The following ARID1B variants were observed in gnomAD, a reference collection of about 807,000 sequenced individuals.
ARID1B encodes AT-rich interactive domain-containing protein 1B.
Under a neutral mutation model 212.3 loss-of-function variants are expected in ARID1B, and 30 were observed. That is an observed-to-expected ratio of 0.14 (90% CI 0.11 to 0.19). ARID1B has a LOEUF of 0.19. Ranked by LOEUF, ARID1B falls within the 10% of genes least tolerant of loss-of-function variation. The probability of loss-of-function intolerance (pLI) is 1.00; values close to 1 mark genes in which losing one functional copy is unlikely to be tolerated. For synonymous variants in ARID1B, 1,402 were observed against 1,301.7 expected, an observed-to-expected ratio of 1.08 and a Z score of -1.66; for missense variants, 2,891 against 3,204.0, an observed-to-expected ratio of 0.90 and a Z score of 2.36.
At chr6:156,901,578 C>T (rs1788945397) in intron 3 of ARID1B, 53 bp downstream of exon 3, 3 of 1,559,440 alleles carry the variant, frequency 1.9e-6, no homozygotes, top group Non-Finnish European at 2.6e-6. Flanking sequence ...CAAGGCAGAC[C>T]CGGCTCTGAA....
At chr6:156,791,212 A>G (rs1779986055) in intron 1 of ARID1B, among the ~76,000 whole-genome samples, 1 of 152,222 alleles carries the variant, frequency 6.6e-6, no homozygotes, top group Non-Finnish European at 1.5e-5. Context: ...TGCATCCACA[A>G]ATTCCATATA....
chr6:157,146,641 C>T (rs1257223937), intron 7 of ARID1B, among the ~76,000 whole-genome samples: 4 of 152,160 alleles, frequency 2.6e-5, no homozygotes, highest in Admixed American at 6.5e-5. Flanking sequence ...CCCATACGTG[C>T]ACGTGCATGC....
At chr6:156,952,125 A>G (rs79314980) in intron 4 of ARID1B, among the ~76,000 whole-genome samples, 3,466 of 152,206 alleles carry the variant, frequency 0.023, 123 homozygotes, top group African/African-American at 0.077. Flanking sequence ...TTGTGAAGAG[A>G]GTGTTTTTTT....
chr6:156,871,684 C>G (rs1786146342), intron 2 of ARID1B: 1 of 1,606,554 alleles, frequency 6.2e-7, no homozygotes, highest in Non-Finnish European at 8.5e-7. Context: ...CTTACTTGCT[C>G]CAAGTCTTTG....
At chr6:157,144,738 G>T (rs1182494782) in intron 7 of ARID1B, among the ~76,000 whole-genome samples, 1 of 152,206 alleles carries the variant, frequency 6.6e-6, no homozygotes, top group Non-Finnish European at 1.5e-5. Context: ...GTGCACAGAA[G>T]GTGCCTTTTC....
At chr6:156,879,978 A>G (rs2128164718) in intron 2 of ARID1B, among the ~76,000 whole-genome samples, 1 of 152,282 alleles carries the variant, frequency 6.6e-6, no homozygotes, top group Middle Eastern at 3.4e-3. Flanking sequence ...GAGGAGAAGG[A>G]CCCTTCCAGC....
At chr6:156,878,391 C>T (rs1266734522) in intron 2 of ARID1B, among the ~76,000 whole-genome samples, 2 of 152,186 alleles carry the variant, frequency 1.3e-5, no homozygotes, top group East Asian at 1.9e-4. Context: ...GTCACAAGTA[C>T]AGAGAAGACC....
At chr6:156,873,978 A>T (rs538811792) in intron 2 of ARID1B, among the ~76,000 whole-genome samples, 1 of 152,302 alleles carries the variant, frequency 6.6e-6, no homozygotes, top group Admixed American at 6.5e-5. Context: ...TAATGGAACC[A>T]TAGTATCCTC....
Position 156,920,508 on chromosome 6 carries a change from G to A in ARID1B, c.2137-14958G>A, listed in dbSNP as rs1026201766. The stretch of plus-strand genomic sequence containing the variant: ...TATACATAAAGTTCTTTCTTCATCA[G>A]TTTCTTTGATTTTTAAAATTTTTAA... On this transcript the variant is annotated intron_variant, in intron 3 of 19. Transcript: ENST00000636930. Among the ~76,000 whole-genome samples the A allele has an allele frequency of 5.9e-5, 9 of 152,136 alleles. No individual in the cohort carries two copies. In the East Asian group the frequency reaches 9.7e-4, roughly 16 times the overall value.
intron 4 of ARID1B, among the ~76,000 whole-genome samples, chr6:157,014,885 A>T (rs1374500968): frequency 3.0e-5 from 1 of 33,404 alleles, no homozygotes; most frequent in South Asian, 9.8e-4. Flanking sequence ...TGCCAGGAAT[A>T]AAAAAAAAAA....
In ARID1B at chr6:157,208,330, T is replaced by C. The variant is rs1440365256; in HGVS notation, c.*439T>C. ...TGAAAAATTATCCATTTCCTATGCG[T>C]TTTACTCCTCAGAGAATGAAAAAAA... On this transcript the variant is annotated 3_prime_UTR_variant, in exon 20 of 20. Coordinates refer to ENST00000636930, the MANE Select transcript of ARID1B (RefSeq NM_001374828.1). 1 of 234,086 alleles carries C rather than the reference T, an allele frequency of 4.3e-6. No individual in the cohort carries two copies. The highest frequency in any genetic ancestry group is 1.8e-4 in the South Asian group (1 of 5,526). The allele number at this position is 234,086 out of a possible 1,614,324, so 14.5% of individuals were successfully genotyped here.
intron 4 of ARID1B, among the ~76,000 whole-genome samples, chr6:156,971,433 G>A (rs1335533943): frequency 6.6e-6 from 1 of 152,138 alleles, no homozygotes; most frequent in Non-Finnish European, 1.5e-5. Context: ...GTGTGTGCAC[G>A]CACCTGTGTG....
rs1351212592 is a variant in ARID1B at position 157,084,800 on chromosome 6, C to T, written c.2386C>T (p.Pro796Ser). ...GTCGCCTTTCTCCCCACATGCGTCC[C>T]CTCATCTCTCCAGCATCCCGGGGGG... is the stretch of plus-strand genomic sequence containing the variant. ...AQSPFSPHAS[P>S]HLSSIPGGPS... is the part of the protein sequence containing the mutation. The change falls in exon 5 of 20, where the codon CCT becomes TCT. Residue 796 changes from proline (P) to serine (S), a missense_variant. Physicochemically the swap from Pro to Ser is moderately conservative, Grantham distance 74 (BLOSUM62 -1). Around this residue, in one of 7 missense-constraint regions of ARID1B, gnomAD observed 1,643 missense variants for 1,544.0 expected, o/e 1.06. Coordinates refer to ENST00000636930, the MANE Select transcript of ARID1B (RefSeq NM_001374828.1). 1 of 1,614,050 alleles carries T rather than the reference C, an allele frequency of 6.2e-7. No individual in the cohort carries two copies. Among genetic ancestry groups the T allele is most frequent in the East Asian group, 2.2e-5 (1 of 44,872 alleles).
chr6:157,196,795 C>T (rs1026257738), intron 16 of ARID1B, among the ~76,000 whole-genome samples: 1 of 152,212 alleles, frequency 6.6e-6, no homozygotes, highest in Non-Finnish European at 1.5e-5. Context: ...TGCTTTTCCC[C>T]TGTGAATATT....
At chr6:156,985,745 A>T (rs565407451) in intron 4 of ARID1B, 3 of 152,320 alleles carry the variant, frequency 2.0e-5, no homozygotes, top group Non-Finnish European at 4.4e-5. Context: ...ACCATATGAT[A>T]ATAAAACTTA....
intron 4 of ARID1B, among the ~76,000 whole-genome samples, chr6:156,946,855 C>CTT (rs147765559): frequency 0.046 from 6,938 of 152,242 alleles, 367 homozygotes; most frequent in East Asian, 0.25. Flanking sequence ...TCCTGAATAA[C>CTT]TGCTCAAATC....
At chr6:156,837,956 C>T (rs1237290803) in intron 2 of ARID1B, among the ~76,000 whole-genome samples, 4 of 152,112 alleles carry the variant, frequency 2.6e-5, no homozygotes, top group Admixed American at 6.5e-5. Flanking sequence ...CCCTTGCCTG[C>T]TTAAATAGCC....
chr6:157,181,906 A>G (rs1792570327), intron 12 of ARID1B, among the ~76,000 whole-genome samples: 2 of 152,332 alleles, frequency 1.3e-5, no homozygotes, highest in South Asian at 2.1e-4. Flanking sequence ...TTCTAAATAC[A>G]TGAGTCACCA....
chr6:157,085,037 CCAA>C, intron 5 of ARID1B, 132 bp downstream of exon 5: 1 of 1,173,238 alleles, frequency 8.5e-7, no homozygotes, highest in Non-Finnish European at 1.2e-6. Flanking sequence ...TGAATTCTCA[CCAA>C]GGCATACGAG....
Sources: gnomAD v4.1 joint callset for allele counts (sites outside exome capture counted in the v4.1 genomes callset) on GRCh38, gnomAD v4.1.1 for gene constraint, gnomAD v4.1.1 regional missense constraint, MANE v1.5 for transcripts, NCBI Gene and HGNC (gene_info 2026-07-23, HGNC 2026-07-21) for gene names.